EDA: variants seen among roughly 807,000 people sequenced by gnomAD.
EDA encodes ectodysplasin-A.
In EDA, 2 loss-of-function variants were observed where a neutral mutation model predicts 23.6. The observed-to-expected ratio is 0.08, with a 90% CI of 0.03 to 0.27. The LOEUF (loss-of-function observed/expected upper bound fraction) is 0.27. Ranked by LOEUF, EDA falls within the 10% of genes least tolerant of loss-of-function variation. EDA has a pLI of 1.00. For synonymous variants in EDA, 131 were observed against 132.0 expected, an observed-to-expected ratio of 0.99 and a Z score of 0.05; for missense variants, 229 against 324.2, an observed-to-expected ratio of 0.71 and a Z score of 2.26.
intron 1 of EDA, among the ~76,000 whole-genome samples, chrX:69,746,506 C>A (rs1170511074): frequency 9.1e-6 from 1 of 110,033 alleles, no homozygotes; most frequent in African/African-American, 3.4e-5. Flanking sequence ...CTTTAGACTT[C>A]TATTATTCTC....
intron 1 of EDA, among the ~76,000 whole-genome samples, chrX:69,785,558 T>C (rs773429464): frequency 0.025 from 2,725 of 110,744 alleles, 72 homozygotes; most frequent in African/African-American, 0.086. Context: ...AATCATGTGG[T>C]TTTTGTCTTT....
chrX:69,904,372 A>G (rs1230286576), intron 1 of EDA, among the ~76,000 whole-genome samples: 1 of 108,201 alleles, frequency 9.2e-6, no homozygotes. Context: ...TTTCTTTGAG[A>G]CACTATCTTG....
chrX:69,999,720 T>C (rs1388733708), intron 2 of EDA, among the ~76,000 whole-genome samples: 1 of 111,323 alleles, frequency 9.0e-6, no homozygotes, highest in Non-Finnish European at 1.9e-5. Context: ...CTTAAACTGT[T>C]ACAAAGCATA....
chrX:69,649,178 G>T (rs1252777081), intron 1 of EDA, among the ~76,000 whole-genome samples: 2 of 112,388 alleles, frequency 1.8e-5, no homozygotes, highest in African/African-American at 6.5e-5. Context: ...GCTGCAGACT[G>T]AAGCTGCTTC....
chrX:69,880,156 G>A (rs1264542181), intron 1 of EDA, among the ~76,000 whole-genome samples: 1 of 111,732 alleles, frequency 8.9e-6, no homozygotes, highest in African/African-American at 3.3e-5. Flanking sequence ...AATGGAAAGA[G>A]ATTAATCTGT....
intron 1 of EDA, among the ~76,000 whole-genome samples, chrX:69,627,611 C>T (rs1166488508): frequency 1.8e-5 from 2 of 111,656 alleles, no homozygotes; most frequent in Non-Finnish European, 3.8e-5. Context: ...TGAGAACGTA[C>T]TGCTCTAAAG....
At chrX:69,681,664 C>G (rs1226807271) in intron 1 of EDA, among the ~76,000 whole-genome samples, 2 of 110,432 alleles carry the variant, frequency 1.8e-5, no homozygotes, top group Non-Finnish European at 3.8e-5. Context: ...CCTTGGTTTT[C>G]AGCTCCATCA....
chrX:69,806,289 T>G, intron 1 of EDA, among the ~76,000 whole-genome samples: 1 of 111,788 alleles, frequency 8.9e-6, no homozygotes, highest in Non-Finnish European at 1.9e-5. Context: ...CTTTTTTATA[T>G]AATGGGGAAA....
intron 1 of EDA, among the ~76,000 whole-genome samples, chrX:69,723,838 G>A (rs147106264): frequency 3.6e-4 from 40 of 110,848 alleles, no homozygotes; most frequent in East Asian, 1.1e-3. Context: ...AACCTTTCCC[G>A]CTTTCTTTCA....
intron 1 of EDA, among the ~76,000 whole-genome samples, chrX:69,826,614 C>T (rs1225358856): frequency 1.2e-4 from 13 of 109,444 alleles, no homozygotes; most frequent in Non-Finnish European, 1.5e-4. Flanking sequence ...AGATGGGTTT[C>T]CTGAATATAG....
chrX:69,759,867 A>G (rs1260097803), intron 1 of EDA, among the ~76,000 whole-genome samples: 2 of 110,250 alleles, frequency 1.8e-5, no homozygotes, highest in Non-Finnish European at 3.8e-5. Flanking sequence ...GGCTCGACAT[A>G]AAAATGGGTA....
intron 1 of EDA, among the ~76,000 whole-genome samples, chrX:69,737,698 G>A (rs2013314278): frequency 8.9e-6 from 1 of 111,830 alleles, no homozygotes; most frequent in South Asian, 3.6e-4. Flanking sequence ...GTTTGCTCTG[G>A]TATCATTGTC....
chrX:69,893,996 T>TA (rs2017971342), intron 1 of EDA, among the ~76,000 whole-genome samples: 1 of 112,158 alleles, frequency 8.9e-6, no homozygotes, highest in Non-Finnish European at 1.9e-5. Flanking sequence ...CACTTTGAGG[T>TA]ACTATTGTCC....
At chrX:69,907,836 T>G (rs965108649) in intron 1 of EDA, among the ~76,000 whole-genome samples, 1 of 110,697 alleles carries the variant, frequency 9.0e-6, no homozygotes, top group African/African-American at 3.3e-5. Flanking sequence ...AAGAGATATC[T>G]ATTCCCTTTG....
chrX:69,843,004 C>T (rs1166798263), intron 1 of EDA, among the ~76,000 whole-genome samples: 1 of 111,889 alleles, frequency 8.9e-6, no homozygotes, highest in Middle Eastern at 4.2e-3. Flanking sequence ...ATAAATTACC[C>T]AGTCTCAGGT....
intron 1 of EDA, among the ~76,000 whole-genome samples, chrX:69,705,276 G>C (rs2011673816): frequency 9.1e-6 from 1 of 109,614 alleles, no homozygotes; most frequent in Non-Finnish European, 1.9e-5. Context: ...AAATACAGAG[G>C]CTTTCTGAGT....
At chrX:69,750,404 T>C (rs1247879517) in intron 1 of EDA, among the ~76,000 whole-genome samples, 1 of 109,949 alleles carries the variant, frequency 9.1e-6, no homozygotes, top group Non-Finnish European at 1.9e-5. Flanking sequence ...TGCCACATTT[T>C]CTTAATCCAG....
intron 1 of EDA, among the ~76,000 whole-genome samples, chrX:69,762,259 A>G (rs1244177449): frequency 8.9e-6 from 1 of 111,918 alleles, no homozygotes; most frequent in African/African-American, 3.2e-5. Context: ...CCTTTATTCC[A>G]GAATGACTGG....
chrX:69,900,063 C>T (rs1044912525), intron 1 of EDA, among the ~76,000 whole-genome samples: 2 of 111,050 alleles, frequency 1.8e-5, no homozygotes, highest in African/African-American at 3.3e-5. Flanking sequence ...GAGGATTAAA[C>T]GAGTTGATAT....
Sources: gnomAD v4.1 joint callset for allele counts (sites outside exome capture counted in the v4.1 genomes callset) on GRCh38, gnomAD v4.1.1 for gene constraint, MANE v1.5 for transcripts, NCBI Gene and HGNC (gene_info 2026-07-23, HGNC 2026-07-21) for gene names.